The following RARB variants were observed in gnomAD, a reference collection of about 807,000 sequenced individuals.
RARB encodes the protein HBV-activated protein.
RARB carries 17 observed loss-of-function variants against 51.9 expected under a neutral mutation model. That is an observed-to-expected ratio of 0.33 (90% confidence interval 0.22 to 0.49). RARB has a LOEUF of 0.49. RARB is among the 20% of genes least tolerant of loss of function. RARB has a pLI of 0.99. For synonymous variants in RARB, 215 were observed against 195.4 expected, an observed-to-expected ratio of 1.10 and a Z score of -0.84; for missense variants, 369 against 550.8, an observed-to-expected ratio of 0.67 and a Z score of 3.30.
intron 5 of RARB, among the ~76,000 whole-genome samples, chr3:25,420,653 G>C (rs1296974010): frequency 1.3e-5 from 2 of 152,188 alleles, no homozygotes; most frequent in Non-Finnish European, 2.9e-5. Flanking sequence ...TCTGCAAAAA[G>C]CCATACTCTG....
At chr3:25,141,187 T>C (rs1700101432) in intron 4 of RARB, among the ~76,000 whole-genome samples, 1 of 152,108 alleles carries the variant, frequency 6.6e-6, no homozygotes, top group Non-Finnish European at 1.5e-5. Context: ...AATAACACTA[T>C]GAGATGAAAT....
intron 7 of RARB, 47 bp downstream of exon 7, chr3:25,594,725 G>T: frequency 1.4e-6 from 2 of 1,454,858 alleles, no homozygotes; most frequent in East Asian, 2.5e-5. Flanking sequence ...TGGACTTGAG[G>T]GCCTTACCAG....
At chr3:25,365,747 T>A (rs1477193619) in intron 5 of RARB, among the ~76,000 whole-genome samples, 2 of 152,320 alleles carry the variant, frequency 1.3e-5, no homozygotes, top group South Asian at 2.1e-4. Flanking sequence ...TTACTCTCAA[T>A]GTGGTTTTGG....
intron 2 of RARB, among the ~76,000 whole-genome samples, chr3:24,964,088 C>G (rs752717845): frequency 1.3e-5 from 2 of 152,070 alleles, no homozygotes; most frequent in African/African-American, 4.8e-5. Context: ...TTGCCAAAGT[C>G]CTTTCAAGTT....
At chr3:24,934,195 A>G (rs1400361907) in intron 2 of RARB, among the ~76,000 whole-genome samples, 1 of 152,092 alleles carries the variant, frequency 6.6e-6, no homozygotes, top group East Asian at 1.9e-4. Context: ...AGAGGAGGGA[A>G]CCGGCAAAGA....
intron 1 of RARB, among the ~76,000 whole-genome samples, chr3:24,836,050 T>C (rs2125328081): frequency 6.6e-6 from 1 of 152,194 alleles, no homozygotes; most frequent in East Asian, 1.9e-4. Flanking sequence ...CTGTGTTCTC[T>C]TTCAGGACAA....
chr3:25,079,382 A>G (rs1204675840), intron 3 of RARB, among the ~76,000 whole-genome samples: 1 of 152,154 alleles, frequency 6.6e-6, no homozygotes, highest in Non-Finnish European at 1.5e-5. Flanking sequence ...TCATTGTGCC[A>G]GACAGAACCT....
At chr3:25,472,755 G>C (rs1389568809) in intron 2 of RARB, among the ~76,000 whole-genome samples, 1 of 152,158 alleles carries the variant, frequency 6.6e-6, no homozygotes, top group Non-Finnish European at 1.5e-5. Context: ...CATATTCCTA[G>C]TTCATTCAGC....
In RARB at chr3:25,461,299, A is replaced by T. The variant is rs201295268; in HGVS notation, c.264A>T (p.Ser88=). The change falls in exon 2 of 8, where the codon TCA becomes TCT. Residue 88 remains serine, a synonymous_variant. Coordinates refer to ENST00000330688, the MANE Select transcript of RARB (RefSeq NM_000965.5). ...CCTGCTTCGTCTGCCAGGACAAATC[A>T]TCAGGGTACCACTATGGGGTCAGCG... ...YKPCFVCQDK[S]SGYHYGVSAC... 83 of 1,613,742 alleles carry T rather than the reference A, an allele frequency of 5.1e-5. No individual in the cohort carries two copies. The highest frequency in any genetic ancestry group is 3.3e-4 in the Middle Eastern group (2 of 6,084).
intron 5 of RARB, among the ~76,000 whole-genome samples, chr3:25,232,357 A>T (rs1012629675): frequency 2.0e-5 from 3 of 152,148 alleles, no homozygotes; most frequent in Admixed American, 1.3e-4. Context: ...TGGCATTTAC[A>T]ACCTAATTCT....
chr3:25,431,788 A>G (rs913368797), intron 1 of RARB, among the ~76,000 whole-genome samples: 14 of 152,152 alleles, frequency 9.2e-5, no homozygotes, highest in Non-Finnish European at 1.8e-4. Flanking sequence ...ATGAGAAGAA[A>G]TTATTTTTAA....
At chr3:25,122,478 GGAA>G (rs1250571008) in intron 3 of RARB, among the ~76,000 whole-genome samples, 1 of 152,022 alleles carries the variant, frequency 6.6e-6, no homozygotes, top group Admixed American at 6.6e-5. Context: ...CTGAAGTTTG[GGAA>G]GCTCTGCTCT....
At chr3:25,483,743 CTG>C (rs1696339944) in intron 2 of RARB, among the ~76,000 whole-genome samples, 1 of 152,138 alleles carries the variant, frequency 6.6e-6, no homozygotes, top group African/African-American at 2.4e-5. Flanking sequence ...GCAGCACAAA[CTG>C]TGTTCATTCT....
chr3:25,078,534 A>ATT (rs56349106), intron 3 of RARB, among the ~76,000 whole-genome samples: 97,915 of 141,168 alleles, frequency 0.69, 34,914 homozygotes, highest in Admixed American at 0.79. Context: ...CCAACTTTCT[A>ATT]TTTTTTTTTT....
chr3:24,841,360 C>T (rs1191527872), intron 1 of RARB, among the ~76,000 whole-genome samples: 3 of 152,170 alleles, frequency 2.0e-5, no homozygotes. Flanking sequence ...CAGCCCATGA[C>T]CATGTGCTTG....
intron 5 of RARB, among the ~76,000 whole-genome samples, chr3:25,212,249 A>T (rs1014469541): frequency 2.6e-5 from 4 of 152,244 alleles, no homozygotes; most frequent in African/African-American, 9.6e-5. Flanking sequence ...ATGCATAAAT[A>T]AATAATATAG....
At chr3:24,918,520 A>G (rs1253816362) in intron 2 of RARB, among the ~76,000 whole-genome samples, 3 of 152,224 alleles carry the variant, frequency 2.0e-5, no homozygotes, top group South Asian at 2.1e-4. Flanking sequence ...CCATTAAATT[A>G]TACACTTATA....
At chr3:25,110,778 A>C (rs1699588389) in intron 3 of RARB, among the ~76,000 whole-genome samples, 2 of 152,202 alleles carry the variant, frequency 1.3e-5, no homozygotes, top group Non-Finnish European at 2.9e-5. Context: ...TGTTAGTGGT[A>C]AGAATCTGTT....
At chr3:25,137,883 A>G (rs1700055709) in intron 4 of RARB, among the ~76,000 whole-genome samples, 1 of 152,092 alleles carries the variant, frequency 6.6e-6, no homozygotes, top group African/African-American at 2.4e-5. Flanking sequence ...TGAAGGCAAG[A>G]GGTAGTTGAG....
Sources: allele counts gnomAD v4.1 joint callset (sites outside exome capture counted in the v4.1 genomes callset), GRCh38; gene constraint gnomAD v4.1.1; transcripts MANE v1.5; gene names NCBI Gene and HGNC (gene_info 2026-07-23, HGNC 2026-07-21).